Variants in FLT1 observed in about 807,000 individuals in gnomAD.
FLT1 encodes the protein fms related receptor tyrosine kinase 1.
Under a neutral mutation model 156.3 loss-of-function variants are expected in FLT1, and 49 were observed. The observed-to-expected ratio is 0.31, with a 90% confidence interval of 0.25 to 0.40. The LOEUF (loss-of-function observed/expected upper bound fraction) is 0.40. Among genes scored for constraint, FLT1 ranks in the 10% least tolerant of loss-of-function variants. FLT1 has a pLI of 1.00. For synonymous variants in FLT1, 594 were observed against 583.8 expected (o/e 1.02, Z -0.25); for missense variants, 1,322 against 1,637.2 (o/e 0.81, Z 3.32).
At chr13:28,386,504 C>G (rs1488499338) in intron 13 of FLT1, 1 of 1,049,152 alleles carries the variant, frequency 9.5e-7, no homozygotes, top group East Asian at 5.6e-5. Flanking sequence ...TGTACAAAAA[C>G]TTCTTCAAAC....
chr13:28,478,430 G>A (rs1042185693), intron 1 of FLT1, among the ~76,000 whole-genome samples: 1 of 152,178 alleles, frequency 6.6e-6, no homozygotes, highest in African/African-American at 2.4e-5. Context: ...TCAATGTTAT[G>A]GATTTGTCAT....
chr13:28,370,774 C>G (rs1369135500), intron 14 of FLT1, among the ~76,000 whole-genome samples: 5 of 152,210 alleles, frequency 3.3e-5, no homozygotes, highest in East Asian at 3.9e-4. Context: ...CACCCACACA[C>G]TCCTGTCCCA....
chr13:28,371,337 CATAA>C (rs976787641), intron 14 of FLT1, among the ~76,000 whole-genome samples: 1 of 152,116 alleles, frequency 6.6e-6, no homozygotes, highest in African/African-American at 2.4e-5. Context: ...TGGAAAATTC[CATAA>C]ATAAACAATT....
Position 28,322,940 on chromosome 13 carries a change from C to A in FLT1, c.2803G>T (p.Ala935Ser). The change falls in exon 21 of 30, where the codon GCA becomes TCA. Residue 935 changes from alanine to serine, a missense_variant. This residue lies in a region of FLT1 where 991 missense variants were observed against 1,254.8 expected (regional missense o/e 0.79). Transcript: ENST00000282397. This position sits in a 1 kb window ranked among gnomAD's most constrained non-coding sequence, Gnocchi z 4.3. ...TCTTTCTTAGGCTCCATGTGTAGTGCTGCATCCTTTGAAGAGACCGAAAAG... is the reference window on the plus strand; with the variant it reads ...TCTTTCTTAGGCTCCATGTGTAGTGATGCATCCTTTGAAGAGACCGAAAAG... ...RDLFFLNKDA[A>S]LHMEPKKEKM... 1 of 1,614,098 alleles carries A rather than the reference C, an allele frequency of 6.2e-7. No individual in the cohort carries two copies. The highest frequency in any genetic ancestry group is 1.1e-5 in the South Asian group (1 of 91,076).
intron 3 of FLT1, among the ~76,000 whole-genome samples, chr13:28,447,773 A>G (rs1237381594): frequency 6.6e-6 from 1 of 151,160 alleles, no homozygotes; most frequent in Non-Finnish European, 1.5e-5. Flanking sequence ...AAATCTACAT[A>G]TATAATATAT....
At chr13:28,383,338 G>A (rs1874160255) in intron 14 of FLT1, among the ~76,000 whole-genome samples, 1 of 152,176 alleles carries the variant, frequency 6.6e-6, no homozygotes, top group Admixed American at 6.5e-5. Context: ...GAGTTCACAT[G>A]AAATGATGTG....
intron 14 of FLT1, among the ~76,000 whole-genome samples, chr13:28,364,234 A>C (rs1252129700): frequency 6.6e-6 from 1 of 152,106 alleles, no homozygotes; most frequent in East Asian, 1.9e-4. Flanking sequence ...ATTTATTGAG[A>C]TGAGGTCTCT....
chr13:28,368,703 C>G lies in FLT1; in HGVS notation c.2117-11018G>C, dbSNP rs572850066. The G allele has an allele frequency of 8.7e-5, 49 of 566,062 alleles. No homozygotes were observed. In the African/African-American group the frequency reaches 1.0e-3, roughly 12 times the overall value. 35.1% of individuals were successfully genotyped at this position (566,062 alleles called of 1,614,324 possible). On this transcript the variant is annotated intron_variant, in intron 14 of 29. Transcript: ENST00000282397. Reference sequence around the variant, plus strand: ...AATAATCATATCTTTAGATTGGCAGCTTTTTTTTTTTTTTTTTTGAGACAG... The same window carrying G: ...AATAATCATATCTTTAGATTGGCAGGTTTTTTTTTTTTTTTTTTGAGACAG...
intron 1 of FLT1, among the ~76,000 whole-genome samples, chr13:28,486,656 A>T (rs986413457): frequency 6.6e-6 from 1 of 152,204 alleles, no homozygotes; most frequent in African/African-American, 2.4e-5. Flanking sequence ...TACGTACCTC[A>T]CTCGGCAAAA....
intron 3 of FLT1, among the ~76,000 whole-genome samples, chr13:28,453,415 G>A (rs991729273): frequency 1.3e-5 from 2 of 152,082 alleles, no homozygotes; most frequent in South Asian, 2.1e-4. Flanking sequence ...AAGCCACCAC[G>A]CCTGGCAGGG....
intron 13 of FLT1, 164 bp downstream of exon 13, chr13:28,389,632 C>T: frequency 6.8e-7 from 1 of 1,480,586 alleles, no homozygotes; most frequent in Non-Finnish European, 9.0e-7. Flanking sequence ...CTCCTCCGAG[C>T]CTGAAAGTTA....
chr13:28,478,483 A>G (rs1474083620), intron 1 of FLT1, among the ~76,000 whole-genome samples: 2 of 152,246 alleles, frequency 1.3e-5, no homozygotes, highest in Non-Finnish European at 1.5e-5. Context: ...AAAGTCTCAC[A>G]GAAAAGATCT....
intron 1 of FLT1, among the ~76,000 whole-genome samples, chr13:28,477,823 C>CAGT (rs886649497): frequency 1.4e-4 from 21 of 152,210 alleles, no homozygotes; most frequent in African/African-American, 4.6e-4. Context: ...TCATAATTGC[C>CAGT]AGTAGTGTTA....
chr13:28,473,835 A>AAAGAAAGAAAGG (rs1880385825), intron 1 of FLT1, among the ~76,000 whole-genome samples: 5 of 118,834 alleles, frequency 4.2e-5, no homozygotes, highest in Admixed American at 8.8e-5. Context: ...AGAAAGAAAG[A>AAAGAAAGAAAGG]AAGGAAGAAA....
chr13:28,329,536 A>T, intron 19 of FLT1, 79 bp downstream of exon 19: 1 of 1,013,092 alleles, frequency 9.9e-7, no homozygotes. Flanking sequence ...AGTGCGGGGG[A>T]GAAGGAGCTG....
intron 14 of FLT1, among the ~76,000 whole-genome samples, chr13:28,358,835 T>A (rs1873004349): frequency 6.6e-6 from 1 of 152,080 alleles, no homozygotes; most frequent in African/African-American, 2.4e-5. Flanking sequence ...AAGTGGAAGG[T>A]CTGGCACAGG....
chr13:28,308,741 C>T (rs930983442), intron 28 of FLT1, 102 bp downstream of exon 28: 1 of 786,000 alleles, frequency 1.3e-6, no homozygotes, highest in African/African-American at 1.7e-5. Flanking sequence ...AATCCAGACC[C>T]TCACTGACCA....
intron 14 of FLT1, among the ~76,000 whole-genome samples, chr13:28,382,970 G>A (rs1483170388): frequency 1.3e-5 from 2 of 151,916 alleles, no homozygotes; most frequent in Non-Finnish European, 2.9e-5. Context: ...TTTGTGTAGA[G>A]GACTTACATT....
chr13:28,342,449 C>T (rs1872374590), intron 16 of FLT1, among the ~76,000 whole-genome samples: 1 of 152,102 alleles, frequency 6.6e-6, no homozygotes, highest in African/African-American at 2.4e-5. Context: ...TGTATCTCCC[C>T]TTTCAAAACT....
Sources: gnomAD v4.1 joint callset for allele counts (sites outside exome capture counted in the v4.1 genomes callset) on GRCh38, gnomAD v4.1.1 for gene constraint, gnomAD v4.1.1 regional missense constraint, Gnocchi (gnomAD v3.1) non-coding constraint, MANE v1.5 for transcripts, NCBI Gene and HGNC (gene_info 2026-07-23, HGNC 2026-07-21) for gene names.